Variants in FRMD4B observed in about 807,000 individuals in gnomAD.
FRMD4B encodes the protein FERM domain-containing protein 4B.
FRMD4B carries 74 observed loss-of-function variants against 141.5 expected under a neutral mutation model. The observed-to-expected ratio is 0.52, with a 90% CI of 0.43 to 0.63. The LOEUF is 0.63. FRMD4B is among the 30% of genes least tolerant of loss of function. FRMD4B has a pLI of 0.00. For synonymous variants in FRMD4B, 506 were observed against 467.9 expected, an observed-to-expected ratio of 1.08 and a Z score of -1.05; for missense variants, 1,366 against 1,253.4, an observed-to-expected ratio of 1.09 and a Z score of -1.36.
intron 1 of FRMD4B, chr3:69,472,075 A>G: frequency 5.9e-6 from 1 of 168,546 alleles, no homozygotes; most frequent in Non-Finnish European, 1.3e-5. Flanking sequence ...TGATCCTTCC[A>G]TGGAAAGTCT....
intron 1 of FRMD4B, among the ~76,000 whole-genome samples, chr3:69,496,759 G>C (rs1258779625): frequency 6.6e-6 from 1 of 151,262 alleles, no homozygotes; most frequent in African/African-American, 2.4e-5. Context: ...ATTAACTCAA[G>C]CCAATAAAGT....
intron 1 of FRMD4B, among the ~76,000 whole-genome samples, chr3:69,341,903 C>G (rs1702750942): frequency 6.6e-6 from 1 of 152,154 alleles, no homozygotes; most frequent in Non-Finnish European, 1.5e-5. Flanking sequence ...AATTTCTGCT[C>G]TTTATAAATT....
intron 19 of FRMD4B, among the ~76,000 whole-genome samples, chr3:69,183,506 T>C (rs1330108883): frequency 1.5e-5 from 2 of 136,040 alleles, no homozygotes; most frequent in Non-Finnish European, 3.1e-5. Context: ...TTTTTGAGAC[T>C]GAGTCTTGCT....
chr3:69,528,335 CTCTT>C (rs1396794807), intron 1 of FRMD4B, among the ~76,000 whole-genome samples: 1 of 149,394 alleles, frequency 6.7e-6, no homozygotes, highest in Non-Finnish European at 1.5e-5. Context: ...CTCGCTCTCT[CTCTT>C]TTTCTTTCCT....
In FRMD4B at chr3:69,196,633, G is replaced by A. The variant is rs948707891; in HGVS notation, c.1093-237C>T. ...GTGTGGTTCAGTTACTAACTTTGAA[G>A]TGTCACCGGCAACATCACCGCCAGC... On this transcript the variant is annotated intron_variant, in intron 13 of 22. Coordinates refer to ENST00000398540, the MANE Select transcript of FRMD4B (RefSeq NM_015123.3). 125 of 574,268 alleles carry A rather than the reference G, an allele frequency of 2.2e-4. 2 individuals carry two copies. In the East Asian group the frequency reaches 3.7e-3, roughly 17 times the overall value. The allele number at this position is 574,268 out of a possible 1,614,324, so 35.6% of individuals were successfully genotyped here.
At chr3:69,351,729 G>T (rs182718430) in intron 1 of FRMD4B, among the ~76,000 whole-genome samples, 7 of 152,190 alleles carry the variant, frequency 4.6e-5, no homozygotes, top group African/African-American at 1.7e-4. Flanking sequence ...GAACTCAGGA[G>T]ATCCAGAATC....
intron 5 of FRMD4B, among the ~76,000 whole-genome samples, chr3:69,281,832 A>AC (rs1182288829): frequency 3.8e-5 from 2 of 52,950 alleles, no homozygotes; most frequent in Non-Finnish European, 8.5e-5. Flanking sequence ...TCAAAAAAAA[A>AC]AAAAAAATAT....
intron 1 of FRMD4B, among the ~76,000 whole-genome samples, chr3:69,539,021 G>C (rs554472033): frequency 1.3e-5 from 2 of 152,102 alleles, no homozygotes; most frequent in Admixed American, 1.3e-4. Context: ...CAGCACTCCC[G>C]AACATATAAA....
At chr3:69,202,214 A>G (rs1299758914) in intron 11 of FRMD4B, among the ~76,000 whole-genome samples, 2 of 152,136 alleles carry the variant, frequency 1.3e-5, no homozygotes, top group African/African-American at 4.8e-5. Context: ...AAAAAAAAGA[A>G]AAGTCATGAA....
At chr3:69,283,624 G>C (rs1414723209) in intron 5 of FRMD4B, among the ~76,000 whole-genome samples, 1 of 152,148 alleles carries the variant, frequency 6.6e-6, no homozygotes, top group Non-Finnish European at 1.5e-5. Flanking sequence ...GAAAACACTT[G>C]ATCAATGCCA....
chr3:69,308,073 C>A (rs1025431034), intron 3 of FRMD4B, among the ~76,000 whole-genome samples: 1 of 152,150 alleles, frequency 6.6e-6, no homozygotes, highest in African/African-American at 2.4e-5. Context: ...TTTAGTTACT[C>A]GTCTGTGTGA....
intron 7 of FRMD4B, among the ~76,000 whole-genome samples, chr3:69,237,985 G>A (rs909007765): frequency 6.6e-6 from 1 of 152,180 alleles, no homozygotes; most frequent in Non-Finnish European, 1.5e-5. Flanking sequence ...GCCGGCGTTG[G>A]CCTCCTAAAG....
intron 1 of FRMD4B, among the ~76,000 whole-genome samples, chr3:69,529,405 T>C (rs1311437270): frequency 2.6e-5 from 4 of 152,298 alleles, no homozygotes; most frequent in South Asian, 2.1e-4. Context: ...ATCCTTATTT[T>C]ATAGATAAGG....
chr3:69,472,925 C>CTTT lies in FRMD4B; in HGVS notation c.-128-40167_-128-40165dup, dbSNP rs796453101. On this transcript the variant is annotated intron_variant, in intron 1 of 5. Coordinates refer to the FRMD4B transcript ENST00000459638. The stretch of plus-strand genomic sequence containing the variant: ...TATCCAAGGCTTCAAGTGAGTCTTT[C>CTTT]TTTTTTTTTTTTCTTTTTTTTTTTT... Among the ~76,000 whole-genome samples, 595 of 90,748 alleles carry CTTT rather than the reference C, an allele frequency of 6.6e-3. 23 individuals carry two copies. The highest frequency in any genetic ancestry group is 0.026 in the African/African-American group (530 of 20,630). 59.5% of individuals were successfully genotyped at this position (90,748 alleles called of 152,430 possible).
At chr3:69,276,418 G>A (rs1350672288) in intron 5 of FRMD4B, among the ~76,000 whole-genome samples, 4 of 152,004 alleles carry the variant, frequency 2.6e-5, no homozygotes, top group Non-Finnish European at 5.9e-5. Flanking sequence ...GACTACAGGC[G>A]TGCACCATCA....
chr3:69,448,615 G>A (rs928564267), intron 1 of FRMD4B, among the ~76,000 whole-genome samples: 5 of 152,088 alleles, frequency 3.3e-5, no homozygotes, highest in Non-Finnish European at 7.4e-5. Context: ...CTTCCTAGAT[G>A]ACTAATAATG....
At chr3:69,438,625 A>G (rs1211251297) in intron 1 of FRMD4B, among the ~76,000 whole-genome samples, 1 of 152,178 alleles carries the variant, frequency 6.6e-6, no homozygotes. Flanking sequence ...GTGTTCATCC[A>G]GGAAAACCTT....
intron 21 of FRMD4B, among the ~76,000 whole-genome samples, chr3:69,177,869 G>A (rs756996625): frequency 9.2e-5 from 14 of 152,068 alleles, no homozygotes; most frequent in Non-Finnish European, 7.4e-5. Flanking sequence ...AACACTGGCC[G>A]CTAGCAAGAT....
chr3:69,277,918 C>T (rs564791423), intron 5 of FRMD4B, among the ~76,000 whole-genome samples: 3 of 151,492 alleles, frequency 2.0e-5, no homozygotes, highest in East Asian at 2.0e-4. Flanking sequence ...TACAGTGGCC[C>T]GATCTCGGCT....
Sources: allele counts gnomAD v4.1 joint callset (sites outside exome capture counted in the v4.1 genomes callset), GRCh38; gene constraint gnomAD v4.1.1; transcripts MANE v1.5; gene names NCBI Gene and HGNC (gene_info 2026-07-23, HGNC 2026-07-21).